The following RABGAP1L variants were observed in gnomAD, a reference collection of about 807,000 sequenced individuals.
RABGAP1L encodes RAB GTPase activating protein 1 like.
A neutral mutation model predicts 137.7 loss-of-function variants in RABGAP1L; 63 were observed. The observed-to-expected ratio is 0.46, with a 90% CI of 0.37 to 0.56. The LOEUF (loss-of-function observed/expected upper bound fraction) is 0.56. Ranked by LOEUF, RABGAP1L falls within the 20% of genes least tolerant of loss-of-function variation. The pLI is 0.00. For missense variants in RABGAP1L, 1,095 were observed against 1,244.0 expected, an observed-to-expected ratio of 0.88 and a Z score of 1.80; for synonymous variants, 431 against 433.7, an observed-to-expected ratio of 0.99 and a Z score of 0.08.
At chr1:174,812,595 C>T (rs774322907) in intron 19 of RABGAP1L, among the ~76,000 whole-genome samples, 12 of 152,108 alleles carry the variant, frequency 7.9e-5, no homozygotes, top group South Asian at 2.1e-4. Flanking sequence ...CTAACCATAA[C>T]GTAAATATAA....
intron 11 of RABGAP1L, among the ~76,000 whole-genome samples, chr1:174,322,729 A>G (rs1371214985): frequency 6.6e-6 from 1 of 152,170 alleles, no homozygotes; most frequent in Non-Finnish European, 1.5e-5. Flanking sequence ...GACTTCCAAG[A>G]ACAGTGATGG....
intron 13 of RABGAP1L, among the ~76,000 whole-genome samples, chr1:174,496,831 T>C (rs1290770131): frequency 6.6e-6 from 1 of 152,196 alleles, no homozygotes; most frequent in Non-Finnish European, 1.5e-5. Context: ...TGAAAGAGAC[T>C]GCTTTAAACT....
intron 13 of RABGAP1L, among the ~76,000 whole-genome samples, chr1:174,537,882 C>G (rs1665017373): frequency 6.6e-6 from 1 of 152,140 alleles, no homozygotes; most frequent in South Asian, 2.1e-4. Flanking sequence ...GCTTCACATA[C>G]CCTATGCAAG....
chr1:174,429,036 G>T (rs1275569608), intron 13 of RABGAP1L, among the ~76,000 whole-genome samples: 1 of 152,066 alleles, frequency 6.6e-6, no homozygotes, highest in Non-Finnish European at 1.5e-5. Context: ...ATTAAATTAG[G>T]TTCTTTTTCT....
At chr1:174,497,111 A>G (rs1421897247) in intron 13 of RABGAP1L, among the ~76,000 whole-genome samples, 3 of 152,204 alleles carry the variant, frequency 2.0e-5, no homozygotes, top group South Asian at 2.1e-4. Context: ...ATATGGCAAC[A>G]TACACAAGTT....
At chr1:174,504,082 C>T (rs1310049248) in intron 13 of RABGAP1L, among the ~76,000 whole-genome samples, 1 of 151,778 alleles carries the variant, frequency 6.6e-6, no homozygotes, top group African/African-American at 2.4e-5. Context: ...AAGCCATCCT[C>T]TCAACTTAGC....
chr1:174,815,455 A>C (rs1690300036), intron 19 of RABGAP1L, among the ~76,000 whole-genome samples: 1 of 152,208 alleles, frequency 6.6e-6, no homozygotes, highest in African/African-American at 2.4e-5. Context: ...AACATTTTTA[A>C]ATTATTTTCA....
At chr1:174,267,730 A>C (rs184246036) in intron 7 of RABGAP1L, among the ~76,000 whole-genome samples, 6 of 152,324 alleles carry the variant, frequency 3.9e-5, no homozygotes, top group Admixed American at 3.3e-4. Context: ...AAATACTTTA[A>C]TTTTTGTGCT....
At chr1:174,318,111 G>A (rs1679569009) in intron 11 of RABGAP1L, among the ~76,000 whole-genome samples, 1 of 151,746 alleles carries the variant, frequency 6.6e-6, no homozygotes, top group Admixed American at 6.6e-5. Flanking sequence ...AGGACTATGA[G>A]TGTTCGCTTG....
intron 3 of RABGAP1L, among the ~76,000 whole-genome samples, chr1:174,226,774 T>C (rs1360744033): frequency 6.6e-6 from 1 of 151,772 alleles, no homozygotes; most frequent in African/African-American, 2.4e-5. Flanking sequence ...TCTTTTTCCT[T>C]TTTTTTTAAA....
intron 13 of RABGAP1L, among the ~76,000 whole-genome samples, chr1:174,611,747 A>C (rs1203026542): frequency 6.6e-6 from 1 of 152,002 alleles, no homozygotes. Context: ...AGTGGTTTGT[A>C]GTTCTCCTTG....
rs190883129 is a variant in RABGAP1L at position 174,321,636 on chromosome 1, A to G, written c.1465+16509A>G. ...TTTGATTACAATTTTTTTGGCAAATATATGCTCCCATTTCACTTGGAAAAA... is the reference window on the plus strand; with the variant it reads ...TTTGATTACAATTTTTTTGGCAAATGTATGCTCCCATTTCACTTGGAAAAA... On this transcript the variant is annotated intron_variant, in intron 11 of 25. Transcript: ENST00000681986. Among the ~76,000 whole-genome samples the G allele has an allele frequency of 1.1e-4, 17 of 152,278 alleles. No individual in the cohort carries two copies. In the East Asian group the frequency reaches 1.5e-3, roughly 14 times the overall value.
At chr1:174,373,378 A>T (rs1685263780) in intron 12 of RABGAP1L, among the ~76,000 whole-genome samples, 1 of 152,226 alleles carries the variant, frequency 6.6e-6, no homozygotes, top group African/African-American at 2.4e-5. Flanking sequence ...TTATGATTGG[A>T]GTAACCCAAG....
chr1:174,883,454 A>T (rs1227186073), intron 19 of RABGAP1L, among the ~76,000 whole-genome samples: 1 of 152,176 alleles, frequency 6.6e-6, no homozygotes, highest in African/African-American at 2.4e-5. Flanking sequence ...AAAATGAACT[A>T]GTTGGGTTAC....
At chr1:174,762,594 T>C (rs1482232831) in intron 18 of RABGAP1L, among the ~76,000 whole-genome samples, 1 of 152,220 alleles carries the variant, frequency 6.6e-6, no homozygotes, top group Non-Finnish European at 1.5e-5. Flanking sequence ...GTTGTTGTCT[T>C]CCTCATTGTA....
chr1:174,716,619 C>T (rs116227441), intron 17 of RABGAP1L, among the ~76,000 whole-genome samples: 2,609 of 152,168 alleles, frequency 0.017, 64 homozygotes, highest in African/African-American at 0.06. Context: ...GTTGTCTCAC[C>T]GGGACTTTCA....
At chr1:174,347,093 TCA>T (rs1682499558) in intron 11 of RABGAP1L, among the ~76,000 whole-genome samples, 1 of 152,026 alleles carries the variant, frequency 6.6e-6, no homozygotes, top group Non-Finnish European at 1.5e-5. Context: ...TGATATAATT[TCA>T]GTTTTTAAAA....
chr1:174,209,535 G>C (rs1024006363), intron 1 of RABGAP1L, among the ~76,000 whole-genome samples: 1 of 152,198 alleles, frequency 6.6e-6, no homozygotes, highest in Admixed American at 6.5e-5. Flanking sequence ...AGGGATGAGT[G>C]GAAGAATTGT....
intron 18 of RABGAP1L, chr1:174,800,172 C>T: frequency 7.2e-7 from 1 of 1,392,540 alleles, no homozygotes; most frequent in Non-Finnish European, 9.3e-7. Flanking sequence ...ATAATTTAGC[C>T]AAAATGTTTT....
Sources: allele counts gnomAD v4.1 joint callset (sites outside exome capture counted in the v4.1 genomes callset), GRCh38; gene constraint gnomAD v4.1.1; transcripts MANE v1.5; gene names NCBI Gene and HGNC (gene_info 2026-07-23, HGNC 2026-07-21).